Variants in GULP1 observed in about 807,000 individuals in gnomAD.
GULP1 encodes the protein GULP PTB domain containing engulfment adaptor 1.
A neutral mutation model predicts 40.9 loss-of-function variants in GULP1; 19 were observed. That is an observed-to-expected ratio of 0.46 (90% confidence interval 0.32 to 0.68). The LOEUF (loss-of-function observed/expected upper bound fraction) is 0.68, where lower values mean the gene tolerates loss of function less well. Among genes scored for constraint, GULP1 ranks in the 30% least tolerant of loss-of-function variants. GULP1 has a pLI of 0.03. For missense variants in GULP1, 312 were observed against 362.2 expected (o/e 0.86, Z 1.12); for synonymous variants, 119 against 117.6 (o/e 1.01, Z -0.08).
chr2:188,431,337 A>G (rs980915515), intron 2 of GULP1, among the ~76,000 whole-genome samples: 2 of 152,186 alleles, frequency 1.3e-5, no homozygotes, highest in Non-Finnish European at 2.9e-5. Flanking sequence ...TGAAGCTTCA[A>G]TGAATGGGTG....
rs1284689878 is a variant in GULP1 at position 188,319,534 on chromosome 2, A to C, written c.-172+27368A>C. 2.0e-5 allele frequency among the ~76,000 whole-genome samples: 3 copies of C among 152,168 alleles called. No individual in the cohort carries two copies. In the East Asian group the frequency reaches 5.8e-4, roughly 29 times the overall value. ...AAGGTCACCCTTTATTATTTGGACA[A>C]ATCTACCCAACTAGCTACCACTGCT... On this transcript the variant is annotated intron_variant, in intron 1 of 11. Transcript: ENST00000409830.
intron 7 of GULP1, among the ~76,000 whole-genome samples, chr2:188,549,972 A>G (rs1002577988): frequency 5.3e-5 from 8 of 151,750 alleles, no homozygotes; most frequent in Admixed American, 4.6e-4. Context: ...ATGTGCTTAT[A>G]AAACAGCAAG....
chr2:188,510,310 C>T, intron 4 of GULP1, among the ~76,000 whole-genome samples: 1 of 151,956 alleles, frequency 6.6e-6, no homozygotes, highest in East Asian at 1.9e-4. Flanking sequence ...AATATAGATG[C>T]TTATTATTAC....
intron 4 of GULP1, among the ~76,000 whole-genome samples, chr2:188,483,762 T>C (rs1252588238): frequency 6.6e-6 from 1 of 152,160 alleles, no homozygotes; most frequent in African/African-American, 2.4e-5. Context: ...TGCAATATCA[T>C]GGCTTGTAGA....
At chr2:188,481,062 C>A (rs115538365) in intron 3 of GULP1, among the ~76,000 whole-genome samples, 1 of 151,756 alleles carries the variant, frequency 6.6e-6, no homozygotes, top group African/African-American at 2.4e-5. Context: ...ATTTTGAAAA[C>A]CTAAATTTAT....
At chr2:188,375,362 A>T (rs2048165853) in intron 1 of GULP1, among the ~76,000 whole-genome samples, 1 of 152,216 alleles carries the variant, frequency 6.6e-6, no homozygotes, top group South Asian at 2.1e-4. Flanking sequence ...AATATATTGC[A>T]CACTCTATGG....
At chr2:188,340,865 G>A (rs1401608861) in intron 1 of GULP1, among the ~76,000 whole-genome samples, 1 of 152,112 alleles carries the variant, frequency 6.6e-6, no homozygotes, top group Admixed American at 6.5e-5. Flanking sequence ...GTGAAGAACA[G>A]TCATTTCTGG....
At chr2:188,586,722 G>A (rs1288236903) in intron 10 of GULP1, among the ~76,000 whole-genome samples, 2 of 152,050 alleles carry the variant, frequency 1.3e-5, no homozygotes, top group Non-Finnish European at 2.9e-5. Context: ...CAAGGAGCTT[G>A]TAAGAATTTC....
At chr2:188,538,823 A>G (rs998857988) in intron 6 of GULP1, among the ~76,000 whole-genome samples, 4 of 152,058 alleles carry the variant, frequency 2.6e-5, no homozygotes, top group African/African-American at 9.6e-5. Context: ...TACATAAGTG[A>G]CACACAAAAA....
At chr2:188,408,902 G>A (rs572027904) in intron 2 of GULP1, among the ~76,000 whole-genome samples, 9 of 151,868 alleles carry the variant, frequency 5.9e-5, no homozygotes, top group South Asian at 2.1e-4. Context: ...TAAACCAACG[G>A]GTCAAAAAAG....
chr2:188,493,521 C>T (rs2062611182), intron 4 of GULP1, among the ~76,000 whole-genome samples: 1 of 152,000 alleles, frequency 6.6e-6, no homozygotes, highest in Admixed American at 6.6e-5. Flanking sequence ...CTTAAATCAC[C>T]ATCCATCTCT....
intron 1 of GULP1, among the ~76,000 whole-genome samples, chr2:188,324,835 G>A: frequency 6.6e-6 from 1 of 151,856 alleles, no homozygotes; most frequent in African/African-American, 2.4e-5. Context: ...CAGAACCTAA[G>A]GAATTAGGAG....
intron 1 of GULP1, chr2:188,297,699 C>G: frequency 3.8e-6 from 1 of 259,966 alleles, no homozygotes; most frequent in Non-Finnish European, 8.0e-6. Flanking sequence ...ACATAATCTA[C>G]TGACTGAATC....
intron 1 of GULP1, among the ~76,000 whole-genome samples, chr2:188,329,729 A>G (rs1318448659): frequency 6.6e-6 from 1 of 152,134 alleles, no homozygotes; most frequent in Non-Finnish European, 1.5e-5. Flanking sequence ...CAGGGAGGCC[A>G]GTTAGGAGTC....
intron 5 of GULP1, among the ~76,000 whole-genome samples, chr2:188,528,078 T>C (rs1180597664): frequency 6.6e-6 from 1 of 152,090 alleles, no homozygotes; most frequent in Non-Finnish European, 1.5e-5. Context: ...TTCCATTTCT[T>C]AAAAAGAAAA....
At chr2:188,565,466 A>G (rs890948971) in intron 7 of GULP1, among the ~76,000 whole-genome samples, 3 of 152,058 alleles carry the variant, frequency 2.0e-5, no homozygotes, top group Admixed American at 2.0e-4. Context: ...CAACAGGGAA[A>G]TATAAATTTA....
At chr2:188,394,193 A>G (rs1265290563) in intron 2 of GULP1, among the ~76,000 whole-genome samples, 2 of 152,210 alleles carry the variant, frequency 1.3e-5, no homozygotes, top group East Asian at 1.9e-4. Flanking sequence ...ATGTAATCCC[A>G]TATTTCTTAC....
At chr2:188,431,769 A>G (rs2056900639) in intron 2 of GULP1, among the ~76,000 whole-genome samples, 1 of 152,004 alleles carries the variant, frequency 6.6e-6, no homozygotes, top group African/African-American at 2.4e-5. Flanking sequence ...CTAACCAGTC[A>G]TTTATGTTAG....
At position 188,594,036 on chromosome 2, in the gene GULP1, C is replaced by T. The variant is rs374633417; in HGVS notation, c.*25C>T. The T allele has an allele frequency of 6.1e-6, 8 of 1,306,066 alleles. No homozygotes were observed. The South Asian group carries it at 9.5e-5, about 16-fold the overall frequency. 80.9% of individuals were successfully genotyped at this position (1,306,066 alleles called of 1,614,324 possible). Reference sequence around the variant, plus strand: ...ACATCAAGAACAAGAAATCCTGATTCATGTTAAATGTGTTTGTATACACAT... The same window carrying T: ...ACATCAAGAACAAGAAATCCTGATTTATGTTAAATGTGTTTGTATACACAT... On this transcript the variant is annotated 3_prime_UTR_variant, in exon 12 of 12. Coordinates refer to ENST00000409830, the MANE Select transcript of GULP1 (RefSeq NM_016315.4).
Sources: allele counts gnomAD v4.1 joint callset (sites outside exome capture counted in the v4.1 genomes callset), GRCh38; gene constraint gnomAD v4.1.1; transcripts MANE v1.5; gene names NCBI Gene and HGNC (gene_info 2026-07-23, HGNC 2026-07-21).